Variants in FAR2 observed in about 807,000 individuals in gnomAD.
FAR2 encodes the protein epididymis secretory protein Li 81.
In FAR2, 19 loss-of-function variants were observed where a neutral mutation model predicts 56.0. The ratio of observed to expected loss-of-function variants is 0.34; its 90% CI spans 0.24 to 0.50. The LOEUF is 0.50. FAR2 is among the 20% of genes least tolerant of loss of function. FAR2 has a pLI of 0.98. For missense variants in FAR2, 508 were observed against 642.2 expected (o/e 0.79, Z 2.26); for synonymous variants, 219 against 218.8 (o/e 1.00, Z -0.01).
chr12:29,219,392 A>G (rs1440845065), intron 1 of FAR2, among the ~76,000 whole-genome samples: 4 of 152,220 alleles, frequency 2.6e-5, no homozygotes, highest in Admixed American at 6.5e-5. Flanking sequence ...GAACAATATC[A>G]TAACATAACA....
chr12:29,167,043 T>G (rs1949836663), intron 1 of FAR2, among the ~76,000 whole-genome samples: 1 of 152,170 alleles, frequency 6.6e-6, no homozygotes, highest in Admixed American at 6.5e-5. Context: ...TACTCCCAAT[T>G]TGGATCTTGC....
intron 1 of FAR2, among the ~76,000 whole-genome samples, chr12:29,243,981 T>C (rs986709486): frequency 6.6e-6 from 1 of 150,654 alleles, no homozygotes; most frequent in Non-Finnish European, 1.5e-5. Flanking sequence ...CCCTGGAACA[T>C]AGTGTACATT....
intron 1 of FAR2, among the ~76,000 whole-genome samples, chr12:29,241,188 T>C (rs573172288): frequency 2.6e-5 from 4 of 152,334 alleles, no homozygotes; most frequent in African/African-American, 9.6e-5. Context: ...ATGCTACACA[T>C]ATAATGTATG....
At chr12:29,299,624 G>GT (rs944938211) in intron 4 of FAR2, among the ~76,000 whole-genome samples, 3 of 152,116 alleles carry the variant, frequency 2.0e-5, no homozygotes, top group African/African-American at 7.2e-5. Flanking sequence ...AAGGAACTAA[G>GT]TTTTTTTAAA....
At chr12:29,203,827 G>T (rs544884958) in intron 1 of FAR2, among the ~76,000 whole-genome samples, 2 of 151,500 alleles carry the variant, frequency 1.3e-5, no homozygotes, top group African/African-American at 4.8e-5. Context: ...GTGAAACCCC[G>T]TCTCTACTAA....
At chr12:29,182,591 C>A (rs1565684376) in intron 1 of FAR2, among the ~76,000 whole-genome samples, 1 of 152,182 alleles carries the variant, frequency 6.6e-6, no homozygotes, top group Non-Finnish European at 1.5e-5. Context: ...AAGTCCCCAC[C>A]CAACCCAGAA....
At chr12:29,331,958 C>T (rs1299353776) in intron 10 of FAR2, 1 of 152,022 alleles carries the variant, frequency 6.6e-6, no homozygotes, top group African/African-American at 2.4e-5. Context: ...TTTATTGTCA[C>T]TCTCTGTATC....
At chr12:29,176,044 A>C (rs1354415636) in intron 1 of FAR2, among the ~76,000 whole-genome samples, 1 of 152,204 alleles carries the variant, frequency 6.6e-6, no homozygotes, top group Admixed American at 6.5e-5. Flanking sequence ...TGGAAATTTT[A>C]AATTTGCACT....
chr12:29,253,204 TAGGTATCTATATATCGATATCTATCTAGA>T (rs1331005265), intron 1 of FAR2, among the ~76,000 whole-genome samples: 2,864 of 149,180 alleles, frequency 0.019, 18 homozygotes, highest in East Asian at 0.032. Context: ...TCTATCTAGA[TAGGTATCTATATATCGATATCTATCTAGA>T]TAGATATCTA....
At chr12:29,296,960 TTA>T in intron 3 of FAR2, 59 bp from the exon 4 acceptor site, 1 of 1,458,636 alleles carries the variant, frequency 6.9e-7, no homozygotes, top group Non-Finnish European at 9.2e-7. Context: ...GTAGGTGCAG[TTA>T]TAGCAAGGCA....
intron 10 of FAR2, among the ~76,000 whole-genome samples, chr12:29,330,056 C>CTTTTTTTT (rs10693997): frequency 7.9e-6 from 1 of 127,064 alleles, no homozygotes; most frequent in Non-Finnish European, 1.6e-5. Context: ...ACATTTATGA[C>CTTTTTTTT]TTTTTTTTTT....
chr12:29,268,580 GC>G (rs1948558977), intron 1 of FAR2, among the ~76,000 whole-genome samples: 1 of 152,142 alleles, frequency 6.6e-6, no homozygotes, highest in Admixed American at 6.5e-5. Context: ...TCCCTTTTCA[GC>G]CTCCTCTACC....
chr12:29,279,426 C>G (rs1435047258), intron 2 of FAR2, among the ~76,000 whole-genome samples: 3 of 152,194 alleles, frequency 2.0e-5, no homozygotes, highest in Non-Finnish European at 4.4e-5. Context: ...TTGAGGTTTT[C>G]TGTGTTTATT....
intron 1 of FAR2, among the ~76,000 whole-genome samples, chr12:29,236,280 A>C (rs1409442389): frequency 6.6e-6 from 1 of 152,202 alleles, no homozygotes; most frequent in Non-Finnish European, 1.5e-5. Context: ...TTTGTTACTA[A>C]ACTTTAATAT....
intron 1 of FAR2, among the ~76,000 whole-genome samples, chr12:29,150,842 T>C (rs1305501684): frequency 2.0e-5 from 3 of 152,218 alleles, no homozygotes; most frequent in Non-Finnish European, 2.9e-5. Flanking sequence ...ATTTCTAACA[T>C]TGGGCTATAA....
chr12:29,332,442 C>T (rs1488226669), intron 10 of FAR2, among the ~76,000 whole-genome samples, 158 bp from the exon 11 acceptor site: 1 of 151,952 alleles, frequency 6.6e-6, no homozygotes, highest in Non-Finnish European at 1.5e-5. Context: ...TTATCAGTAC[C>T]TTTGAAATAA....
chr12:29,305,559 C>A (rs965286008), intron 4 of FAR2, among the ~76,000 whole-genome samples: 1 of 152,148 alleles, frequency 6.6e-6, no homozygotes, highest in Non-Finnish European at 1.5e-5. Context: ...AGCTTAAATG[C>A]AGTTGTGAAT....
chr12:29,191,934 C>T (rs930667256), intron 1 of FAR2, among the ~76,000 whole-genome samples: 6 of 152,198 alleles, frequency 3.9e-5, no homozygotes, highest in Non-Finnish European at 7.3e-5. Context: ...GGCAAGGTAA[C>T]AAATTCTTGT....
chr12:29,175,096 C>G (rs1050224298), intron 1 of FAR2, among the ~76,000 whole-genome samples: 4 of 152,190 alleles, frequency 2.6e-5, no homozygotes, highest in Non-Finnish European at 5.9e-5. Context: ...TTTCAACTGG[C>G]TGACAGGTGC....
Sources: allele counts gnomAD v4.1 joint callset (sites outside exome capture counted in the v4.1 genomes callset), GRCh38; gene constraint gnomAD v4.1.1; transcripts MANE v1.5; gene names NCBI Gene and HGNC (gene_info 2026-07-23, HGNC 2026-07-21).